PUM3: variants seen among roughly 807,000 people sequenced by gnomAD.
The protein encoded by PUM3 is pumilio homolog 3.
Under a neutral mutation model 84.0 loss-of-function variants are expected in PUM3, and 91 were observed. The ratio of observed to expected loss-of-function variants is 1.08; its 90% CI spans 0.91 to 1.29. The LOEUF (loss-of-function observed/expected upper bound fraction) is 1.29, where lower values mean the gene tolerates loss of function less well. Among genes scored for constraint, PUM3 ranks in the 50% most tolerant of loss-of-function variants. PUM3 has a pLI of 0.00. For synonymous variants in PUM3, 321 were observed against 266.7 expected, an observed-to-expected ratio of 1.20 and a Z score of -1.98; for missense variants, 1,067 against 767.5, an observed-to-expected ratio of 1.39 and a Z score of -4.61.
At chr9:2,831,054 G>A (rs576491090) in intron 6 of PUM3, 26 bp from the exon 7 acceptor site, 1 of 1,208,508 alleles carries the variant, frequency 8.3e-7, no homozygotes, top group Admixed American at 1.9e-5. Flanking sequence ...ACATTACAGT[G>A]ACTTCAGATC....
chr9:2,826,350 G>A (rs1815819700), intron 10 of PUM3, among the ~76,000 whole-genome samples: 1 of 152,114 alleles, frequency 6.6e-6, no homozygotes, highest in African/African-American at 2.4e-5. Context: ...AAAACAGAAG[G>A]TGCTGCTATG....
intron 17 of PUM3, among the ~76,000 whole-genome samples, chr9:2,806,534 T>C (rs1337761289): frequency 6.6e-6 from 1 of 152,248 alleles, no homozygotes; most frequent in Non-Finnish European, 1.5e-5. Context: ...GGTTGGTATC[T>C]GTTTTCCCAA....
chr9:2,812,430 T>A, intron 13 of PUM3, 68 bp from the exon 14 acceptor site: 2 of 1,083,536 alleles, frequency 1.8e-6, no homozygotes, highest in Non-Finnish European at 2.7e-6. Context: ...CACAGGACCT[T>A]TCTTCCATAT....
At position 2,831,669 on chromosome 9, in the gene PUM3, A is replaced by G. The variant is rs575238932; in HGVS notation, c.517-325T>C. The stretch of plus-strand genomic sequence containing the variant: ...ACAGACTATACTTCTCATTTCTTTG[A>G]TAAGTTACCGTCCCTAAAAGGGAAA... On this transcript the variant is annotated intron_variant, in intron 5 of 17. Coordinates refer to ENST00000397885, the MANE Select transcript of PUM3 (RefSeq NM_014878.5). Among the ~76,000 whole-genome samples the G allele has an allele frequency of 1.1e-4, 16 of 152,294 alleles. No homozygotes were observed. The South Asian group carries it at 3.1e-3, about 30-fold the overall frequency.
intron 16 of PUM3, among the ~76,000 whole-genome samples, chr9:2,809,137 C>T (rs1431984356): frequency 2.6e-5 from 4 of 152,148 alleles, no homozygotes; most frequent in Non-Finnish European, 5.9e-5. Context: ...GGGGCAGGCT[C>T]CACCAGACCC....
chr9:2,821,434 ACT>A (rs1402947967), intron 12 of PUM3, among the ~76,000 whole-genome samples: 1 of 145,856 alleles, frequency 6.9e-6, no homozygotes, highest in African/African-American at 2.6e-5. Flanking sequence ...ACAGAGCAAG[ACT>A]CTGTCTCAAA....
chr9:2,835,853 A>G (rs1232497149), intron 3 of PUM3, among the ~76,000 whole-genome samples: 1 of 152,222 alleles, frequency 6.6e-6, no homozygotes, highest in Non-Finnish European at 1.5e-5. Flanking sequence ...TATCAGGAAC[A>G]TATCTCCCAT....
At chr9:2,805,917 C>G (rs976397901) in intron 17 of PUM3, among the ~76,000 whole-genome samples, 3 of 152,118 alleles carry the variant, frequency 2.0e-5, no homozygotes, top group African/African-American at 7.2e-5. Context: ...GAGAATTCTG[C>G]TTCTCTGAGT....
At chr9:2,827,224 A>G (rs1815847121) in intron 9 of PUM3, 73 bp from the exon 10 acceptor site, 2 of 905,888 alleles carry the variant, frequency 2.2e-6, no homozygotes, top group Non-Finnish European at 1.7e-6. Context: ...AGGTAATCTC[A>G]AAGTCCTAAA....
chr9:2,811,401 A>C lies in PUM3; in HGVS notation c.1595T>G (p.Leu532Trp), dbSNP rs763633720. 1 of 1,614,140 alleles carries C rather than the reference A, an allele frequency of 6.2e-7. No homozygotes were observed. Among genetic ancestry groups the C allele is most frequent in the South Asian group, 1.1e-5 (1 of 91,082 alleles). Residue 532 changes from leucine (L) to tryptophan (W), a missense_variant, in exon 15 of 18, where the codon TTG becomes TGG. Leu to Trp is a moderately conservative substitution (Grantham distance 61). Transcript: ENST00000397885. Reference sequence around the variant, plus strand: ...ACCAGGATGCAGTCCTGTTGCTGCCAAGCTGGCGATGGCATTCATGGTAGG... The same window carrying C: ...ACCAGGATGCAGTCCTGTTGCTGCCCAGCTGGCGATGGCATTCATGGTAGG... ...VQPTMNAIAS[L>W]AATGLHPGGK...
At chr9:2,806,358 T>C (rs528827832) in intron 17 of PUM3, among the ~76,000 whole-genome samples, 1 of 152,338 alleles carries the variant, frequency 6.6e-6, no homozygotes, top group African/African-American at 2.4e-5. Flanking sequence ...AACACTTATA[T>C]ATTTGGAGAC....
At chr9:2,832,241 A>T (rs557398600) in intron 5 of PUM3, among the ~76,000 whole-genome samples, 53 of 152,298 alleles carry the variant, frequency 3.5e-4, no homozygotes, top group African/African-American at 1.2e-3. Flanking sequence ...ATCAACATAA[A>T]TGCCTTAAAC....
intron 7 of PUM3, among the ~76,000 whole-genome samples, chr9:2,830,584 T>C (rs1190849717): frequency 6.6e-6 from 1 of 152,198 alleles, no homozygotes; most frequent in African/African-American, 2.4e-5. Context: ...TCATCCATCA[T>C]GTAAAATTAT....
intron 9 of PUM3, 112 bp downstream of exon 9, chr9:2,828,563 T>A (rs773457579): frequency 3.0e-6 from 2 of 661,242 alleles, no homozygotes; most frequent in Non-Finnish European, 5.3e-6. Context: ...TTATTTAGAA[T>A]AGATTAATAC....
In PUM3 at chr9:2,838,494, C is replaced by T; in HGVS notation, c.14G>A (p.Gly5Glu). ...ACTCTTTCCTGTGAATTGCTTTTTC[C>T]CTTTAACTTCCATCGTAGCAACTCT... MEVK[G>E]KKQFTGKSTK... is the part of the protein sequence containing the mutation. Residue 5 changes from glycine to glutamate, a missense_variant, in exon 2 of 18, where the codon GGG (glycine) becomes GAG (glutamate). Coordinates refer to ENST00000397885, the MANE Select transcript of PUM3 (RefSeq NM_014878.5). The T allele has an allele frequency of 6.2e-7, 1 of 1,613,036 alleles. No homozygotes were observed. The highest frequency in any genetic ancestry group is 1.1e-5 in the South Asian group (1 of 91,028).
At chr9:2,833,934 T>C (rs1305575898) in intron 4 of PUM3, 97 bp downstream of exon 4, 1 of 1,283,992 alleles carries the variant, frequency 7.8e-7, no homozygotes, top group East Asian at 2.3e-5. Context: ...ACCCAAGTGC[T>C]ATGTCATTTA....
intron 17 of PUM3, among the ~76,000 whole-genome samples, chr9:2,806,787 T>C (rs1337253676): frequency 6.6e-6 from 1 of 152,176 alleles, no homozygotes; most frequent in East Asian, 1.9e-4. Flanking sequence ...GCACACACAC[T>C]TCAGTAGCAA....
At chr9:2,840,959 C>T (rs906117562) in intron 1 of PUM3, among the ~76,000 whole-genome samples, 6 of 152,202 alleles carry the variant, frequency 3.9e-5, no homozygotes, top group Non-Finnish European at 8.8e-5. Context: ...TCAGGAAACA[C>T]ATATATGTAT....
At chr9:2,823,558 T>C (rs1237594971) in intron 12 of PUM3, among the ~76,000 whole-genome samples, 1 of 152,058 alleles carries the variant, frequency 6.6e-6, no homozygotes, top group Admixed American at 6.6e-5. Context: ...TAGAGAACTA[T>C]CACAATACAA....
Sources: allele counts gnomAD v4.1 joint callset (sites outside exome capture counted in the v4.1 genomes callset), GRCh38; gene constraint gnomAD v4.1.1; transcripts MANE v1.5; gene names NCBI Gene and HGNC (gene_info 2026-07-23, HGNC 2026-07-21).